BRINP1: variants seen among roughly 807,000 people sequenced by gnomAD.
BRINP1 encodes the protein BMP/retinoic acid inducible neural specific 1, also known as BMP/retinoic acid-inducible neural-specific protein 1.
Under a neutral mutation model 72.9 loss-of-function variants are expected in BRINP1, and 17 were observed. That is an observed-to-expected ratio of 0.23 (90% CI 0.16 to 0.35). The LOEUF is 0.35. BRINP1 is among the 10% of genes least tolerant of loss of function. The probability of loss-of-function intolerance (pLI) is 1.00; values close to 1 mark genes in which losing one functional copy is unlikely to be tolerated. For synonymous variants in BRINP1, 418 were observed against 378.5 expected (o/e 1.10, Z -1.21); for missense variants, 850 against 1,001.6 (o/e 0.85, Z 2.04).
At chr9:119,256,333 A>C (rs1373653390) in intron 2 of BRINP1, among the ~76,000 whole-genome samples, 1 of 152,206 alleles carries the variant, frequency 6.6e-6, no homozygotes, top group Admixed American at 6.5e-5. Flanking sequence ...GTGGAGTGAG[A>C]AGGGAAAGGA....
At chr9:119,326,212 T>C (rs1245748416) in intron 1 of BRINP1, among the ~76,000 whole-genome samples, 1 of 152,230 alleles carries the variant, frequency 6.6e-6, no homozygotes, top group Non-Finnish European at 1.5e-5. Context: ...AATGGCAGAA[T>C]TGAACTTAAA....
chr9:119,167,466 T>G lies in BRINP1; in HGVS notation c.1904A>C (p.Gln635Pro), dbSNP rs1389255603. The change falls in exon 8 of 8, where the codon CAG becomes CCG. Residue 635 changes from glutamine to proline, a missense_variant. Coordinates refer to ENST00000265922, the MANE Select transcript of BRINP1 (RefSeq NM_014618.3). This position sits in a 1 kb window ranked among gnomAD's most constrained non-coding sequence, Gnocchi z 4.3. ...LPTLLRNETG[Q>P]GPVDLSDPSK... is the part of the protein sequence containing the mutation. Reference sequence around the variant, plus strand: ...GGGATCCGACAGGTCCACGGGGCCCTGGCCAGTCTCATTTCGCAGTAGGGT... The same window carrying G: ...GGGATCCGACAGGTCCACGGGGCCCGGGCCAGTCTCATTTCGCAGTAGGGT... 1 of 1,614,006 alleles carries G rather than the reference T, an allele frequency of 6.2e-7. No individual in the cohort carries two copies. The highest frequency in any genetic ancestry group is 1.3e-5 in the African/African-American group (1 of 74,908).
Position 119,167,822 on chromosome 9 carries a change from A to C in BRINP1, c.1548T>G (p.Phe516Leu), listed in dbSNP as rs1564207153. ...ISNEIRLDTF[F>L]DPRWRKRMSL... ...ACATGCGCTTGCGCCACCGAGGGTC[A>C]AAGAAGGTGTCGAGGCGGATCTCGT... The change falls in exon 8 of 8, where the codon TTT (phenylalanine) becomes TTG (leucine). Residue 516 changes from phenylalanine to leucine, a missense_variant. Coordinates refer to ENST00000265922, the MANE Select transcript of BRINP1 (RefSeq NM_014618.3). This position sits in a 1 kb window ranked among gnomAD's most constrained non-coding sequence, Gnocchi z 4.3. The C allele has an allele frequency of 1.2e-6, 2 of 1,614,054 alleles. No homozygotes were observed. The highest frequency in any genetic ancestry group is 1.7e-6 in the Non-Finnish European group (2 of 1,180,002).
intron 7 of BRINP1, 127 bp from the exon 8 acceptor site, chr9:119,168,351 T>C: frequency 1.5e-6 from 1 of 676,430 alleles, no homozygotes; most frequent in Non-Finnish European, 2.3e-6. Flanking sequence ...GCAGTGACAA[T>C]ACAGGAAGGG....
At chr9:119,197,827 T>TTA (rs1276271748) in intron 7 of BRINP1, among the ~76,000 whole-genome samples, 6 of 152,190 alleles carry the variant, frequency 3.9e-5, no homozygotes, top group African/African-American at 1.4e-4. Flanking sequence ...AGCTAAAAAG[T>TTA]TATGAAATAA....
chr9:119,266,695 T>A (rs1830551314), intron 2 of BRINP1, among the ~76,000 whole-genome samples: 1 of 152,208 alleles, frequency 6.6e-6, no homozygotes, highest in Non-Finnish European at 1.5e-5. Context: ...CATTCTACCC[T>A]CTGCTTCTAT....
At chr9:119,298,739 A>T (rs1054835929) in intron 2 of BRINP1, among the ~76,000 whole-genome samples, 1 of 152,104 alleles carries the variant, frequency 6.6e-6, no homozygotes, top group Admixed American at 6.6e-5. Context: ...TAGCTTTGAC[A>T]TAGTGTATTA....
At chr9:119,321,703 C>T (rs562918237) in intron 1 of BRINP1, among the ~76,000 whole-genome samples, 3 of 152,100 alleles carry the variant, frequency 2.0e-5, no homozygotes, top group African/African-American at 4.8e-5. Flanking sequence ...CATCCTCCCC[C>T]CTTGGCCTCC....
chr9:119,316,478 A>C (rs755378526), intron 1 of BRINP1, among the ~76,000 whole-genome samples: 2 of 152,164 alleles, frequency 1.3e-5, no homozygotes, highest in Non-Finnish European at 2.9e-5. Flanking sequence ...CCTGACTTCA[A>C]AGCTTCAAAG....
chr9:119,213,043 T>C (rs1829945417), intron 6 of BRINP1, among the ~76,000 whole-genome samples: 1 of 152,212 alleles, frequency 6.6e-6, no homozygotes, highest in Non-Finnish European at 1.5e-5. Flanking sequence ...TTAACCCACA[T>C]CATGGTCATC....
intron 5 of BRINP1, among the ~76,000 whole-genome samples, chr9:119,238,447 A>G (rs1262945844): frequency 6.6e-6 from 1 of 152,218 alleles, no homozygotes; most frequent in Non-Finnish European, 1.5e-5. Flanking sequence ...TCATGAATTT[A>G]CTGTCCTGCA....
chr9:119,213,434 T>C (rs748574640), intron 6 of BRINP1, among the ~76,000 whole-genome samples: 1 of 152,240 alleles, frequency 6.6e-6, no homozygotes, highest in Non-Finnish European at 1.5e-5. Context: ...GACTTTGAGC[T>C]TTGATAGTCT....
intron 2 of BRINP1, among the ~76,000 whole-genome samples, chr9:119,261,446 T>G (rs1028159981): frequency 1.3e-5 from 2 of 152,208 alleles, no homozygotes; most frequent in African/African-American, 4.8e-5. Flanking sequence ...CAGCTCTGAG[T>G]TCATTGGACA....
intron 3 of BRINP1, 110 bp downstream of exon 3, chr9:119,248,850 T>C (rs1830349460): frequency 1.0e-6 from 1 of 958,736 alleles, no homozygotes; most frequent in South Asian, 1.7e-5. Flanking sequence ...TTGTGTGATG[T>C]AGAATGGCAG....
intron 1 of BRINP1, among the ~76,000 whole-genome samples, chr9:119,322,027 C>A (rs1831194640): frequency 6.6e-6 from 1 of 152,186 alleles, no homozygotes; most frequent in Non-Finnish European, 1.5e-5. Flanking sequence ...TTGGGTTGAG[C>A]CACTCTCCTC....
intron 4 of BRINP1, among the ~76,000 whole-genome samples, chr9:119,239,468 A>T (rs1472850627): frequency 6.6e-6 from 1 of 152,262 alleles, no homozygotes; most frequent in Non-Finnish European, 1.5e-5. Flanking sequence ...ATTCAAAAAG[A>T]TAACCTTGAA....
rs148721088 is a variant in BRINP1 at position 119,314,479 on chromosome 9, C to T, written c.-50-1074G>A. ...CTCCAGGGTTCAAGTGATTCTTCTG[C>T]CTCAGCCCCTCAAGTAGCTGGGACT... is the stretch of plus-strand genomic sequence containing the variant. On this transcript the variant is annotated intron_variant, in intron 1 of 7. Transcript: ENST00000265922. Among the ~76,000 whole-genome samples the T allele has an allele frequency of 2.4e-3, 359 of 152,322 alleles. 2 individuals carry two copies. The highest frequency in any genetic ancestry group is 8.1e-3 in the African/African-American group (335 of 41,576).
intron 2 of BRINP1, among the ~76,000 whole-genome samples, chr9:119,273,713 A>C (rs1358254953): frequency 6.6e-6 from 1 of 152,138 alleles, no homozygotes; most frequent in African/African-American, 2.4e-5. Context: ...TAGCAGACAC[A>C]AATTGTTGAG....
intron 7 of BRINP1, among the ~76,000 whole-genome samples, chr9:119,199,923 ACTGT>A (rs1829786856): frequency 3.3e-5 from 5 of 152,058 alleles, no homozygotes; most frequent in Admixed American, 3.3e-4. Flanking sequence ...ATTTTACTAA[ACTGT>A]CTGGACTGTC....
Sources: gnomAD v4.1 joint callset for allele counts (sites outside exome capture counted in the v4.1 genomes callset) on GRCh38, gnomAD v4.1.1 for gene constraint, Gnocchi (gnomAD v3.1) non-coding constraint, MANE v1.5 for transcripts, NCBI Gene and HGNC (gene_info 2026-07-23, HGNC 2026-07-21) for gene names.